SNRPD3: variants seen among roughly 807,000 people sequenced by gnomAD.
SNRPD3 encodes the protein small nuclear ribonucleoprotein Sm D3.
For missense variants in SNRPD3, 73 were observed against 167.5 expected (o/e 0.44, Z 3.11); for synonymous variants, 66 against 58.4 (o/e 1.13, Z -0.59).
intron 2 of SNRPD3, among the ~76,000 whole-genome samples, chr22:24,567,109 A>C (rs1490184849): frequency 6.6e-6 from 1 of 151,906 alleles, no homozygotes; most frequent in Non-Finnish European, 1.5e-5. Context: ...TTGTGGTACC[A>C]CCTCCATTTC....
upstream of SNRPD3, chr22:24,555,938 G>A (rs1201704353): frequency 4.4e-6 from 5 of 1,141,582 alleles, no homozygotes; most frequent in Non-Finnish European, 4.9e-6. Context: ...GGGAAAGGAA[G>A]GAGGCGGGCC....
At chr22:24,570,896 A>G (rs1601572404) in intron 3 of SNRPD3, among the ~76,000 whole-genome samples, 1 of 132,012 alleles carries the variant, frequency 7.6e-6, no homozygotes, top group African/African-American at 2.8e-5. Flanking sequence ...GCTCACTGCC[A>G]CCTCCTCCAA....
rs957957412 is a variant in SNRPD3 at position 24,574,691 on chromosome 22, A to G, written c.*2714A>G. Reference sequence around the variant, plus strand: ...TGAGTAGCTAGAAATACTGGTGCACACCACCATGCCTAGCTAATTTTTGTA... The same window carrying G: ...TGAGTAGCTAGAAATACTGGTGCACGCCACCATGCCTAGCTAATTTTTGTA... On this transcript the variant is annotated 3_prime_UTR_variant, in exon 4 of 4. Transcript: ENST00000215829. Among the ~76,000 whole-genome samples the G allele has an allele frequency of 4.6e-5, 7 of 152,118 alleles. No individual in the cohort carries two copies. The highest frequency in any genetic ancestry group is 1.7e-4 in the African/African-American group (7 of 41,406).
intron 2 of SNRPD3, among the ~76,000 whole-genome samples, chr22:24,558,544 G>A (rs565179646): frequency 1.6e-4 from 25 of 152,294 alleles, no homozygotes; most frequent in South Asian, 8.3e-4. Context: ...TAAAATGGGG[G>A]TGGTATTATG....
At position 24,556,072 on chromosome 22, in the gene SNRPD3, G is replaced by A; in HGVS notation, c.-19+1G>A. 3.3e-6 allele frequency: 2 copies of A among 597,482 alleles called. No homozygotes were observed. The highest frequency in any genetic ancestry group is 2.8e-5 in the East Asian group (1 of 35,740). The allele number at this position is 597,482 out of a possible 1,614,324, so 37.0% of individuals were successfully genotyped here. A position where few individuals can be genotyped will look rare whatever the true frequency, so the allele number is the denominator to read the frequency against. On this transcript the variant is annotated splice_donor_variant, in intron 1 of 3. Coordinates refer to ENST00000215829, the MANE Select transcript of SNRPD3 (RefSeq NM_004175.5). LOFTEE classifies it low-confidence loss of function (5UTR_SPLICE). ...AGAGAAGAAAAGTAGGCCAGAGCCG[G>A]TGAGGCTGGGGACGGGCGAGGGGAG...
In SNRPD3 at chr22:24,574,252, G is replaced by A. The variant is rs184964201; in HGVS notation, c.*2275G>A. On this transcript the variant is annotated 3_prime_UTR_variant, in exon 4 of 4. Transcript: ENST00000215829. The stretch of plus-strand genomic sequence containing the variant: ...AACACCAGCCTTGCAGATTCTCCAC[G>A]CAATGGAAACTGGCTATAACCCTAC... Among the ~76,000 whole-genome samples, 389 of 152,272 alleles carry A rather than the reference G, an allele frequency of 2.6e-3. 1 individual carries two copies. The highest frequency in any genetic ancestry group is 0.01 in the Middle Eastern group (3 of 294).
intron 3 of SNRPD3, among the ~76,000 whole-genome samples, chr22:24,571,557 G>A (rs566364969): frequency 1.3e-5 from 2 of 152,156 alleles, no homozygotes; most frequent in African/African-American, 2.4e-5. Flanking sequence ...TGGCCAACAT[G>A]GTGAAACCCT....
Position 24,557,819 on chromosome 22 carries a change from G to A in SNRPD3, c.126+19G>A, listed in dbSNP as rs1292874831. 2.5e-6 allele frequency: 4 copies of A among 1,598,416 alleles called. No individual in the cohort carries two copies. The African/African-American group carries it at 5.4e-5, about 22-fold the overall frequency. On this transcript the variant is annotated intron_variant, in intron 2 of 3. Coordinates refer to ENST00000215829, the MANE Select transcript of SNRPD3 (RefSeq NM_004175.5). Reference sequence around the variant, plus strand: ...CTGCCAGGTATTCTGCTTTGCATGTGAGGCTGTGTGGGAGGAATGGCCCTG... The same window carrying A: ...CTGCCAGGTATTCTGCTTTGCATGTAAGGCTGTGTGGGAGGAATGGCCCTG...
rs549976679 is a variant in SNRPD3, at chr22:24,572,442, G to T, written c.*465G>T. 4.3e-4 allele frequency: 150 copies of T among 346,696 alleles called. 2 individuals carry two copies. Among genetic ancestry groups the T allele is most frequent in the African/African-American group, 2.9e-3 (135 of 47,074 alleles). The allele number at this position is 346,696 out of a possible 1,614,324, so 21.5% of individuals were successfully genotyped here. A position where few individuals can be genotyped will look rare whatever the true frequency, so the allele number is the denominator to read the frequency against. On this transcript the variant is annotated 3_prime_UTR_variant, in exon 4 of 4. Coordinates refer to ENST00000215829, the MANE Select transcript of SNRPD3 (RefSeq NM_004175.5). ...TCATCAGCTCAGCTTTAACAACACA[G>T]GTGACTCTTTCCCTTGATAAAGTCA...
chr22:24,560,475 C>T (rs1286535223), intron 2 of SNRPD3, among the ~76,000 whole-genome samples: 1 of 85,102 alleles, frequency 1.2e-5, no homozygotes, highest in Non-Finnish European at 2.1e-5. Flanking sequence ...TTGAGAGTCT[C>T]ACTCTGTCGC....
At chr22:24,567,365 A>G (rs1601570021) in intron 2 of SNRPD3, among the ~76,000 whole-genome samples, 1 of 152,218 alleles carries the variant, frequency 6.6e-6, no homozygotes, top group Non-Finnish European at 1.5e-5. Flanking sequence ...AGGGCTCTGA[A>G]GCTAGGCCAG....
rs59348518 is a variant in SNRPD3, at chr22:24,560,715, CTTTTTTTTT to C, written c.126+2937_126+2945del. Among the ~76,000 whole-genome samples, 73 of 98,836 alleles carry C rather than the reference CTTTTTTTTT, an allele frequency of 7.4e-4. 14 individuals carry two copies. Among genetic ancestry groups the C allele is most frequent in the African/African-American group, 2.9e-3 (65 of 22,364 alleles). The allele number at this position is 98,836 out of a possible 152,430, so 64.8% of individuals were successfully genotyped here. On this transcript the variant is annotated intron_variant, in intron 2 of 3. Coordinates refer to ENST00000215829, the MANE Select transcript of SNRPD3 (RefSeq NM_004175.5). ...ACAGGCGTGAGCCACTGCACCTGGC[CTTTTTTTTT>C]TTTTTTTTTTTTTTTTTTTTTGAGA...
At chr22:24,571,206 G>A (rs2045247033) in intron 3 of SNRPD3, among the ~76,000 whole-genome samples, 1 of 152,118 alleles carries the variant, frequency 6.6e-6, no homozygotes, top group Admixed American at 6.5e-5. Context: ...AACTATATTT[G>A]TTTCAGAATT....
intron 2 of SNRPD3, among the ~76,000 whole-genome samples, chr22:24,567,762 GGA>G (rs2045210122): frequency 1.5e-5 from 1 of 65,840 alleles, no homozygotes; most frequent in Non-Finnish European, 5.0e-5. Flanking sequence ...AAAAAGGGGG[GGA>G]GCACTCATAC....
rs1234239814 is a variant in SNRPD3 at position 24,572,095 on chromosome 22, G to T, written c.*118G>T. On this transcript the variant is annotated 3_prime_UTR_variant, in exon 4 of 4. Transcript: ENST00000215829. ...TGCCATCTTTCTCTTTAGATCAGGG[G>T]AAATGTTTAAGCTAAATAAATCTGG... is the stretch of plus-strand genomic sequence containing the variant. 6.5e-7 allele frequency: 1 copy of T among 1,545,516 alleles called. No homozygotes were observed. Among genetic ancestry groups the T allele is most frequent in the East Asian group, 2.4e-5 (1 of 41,070 alleles).
intron 2 of SNRPD3, among the ~76,000 whole-genome samples, chr22:24,559,319 A>G (rs1327305233): frequency 6.6e-6 from 1 of 152,194 alleles, no homozygotes; most frequent in Non-Finnish European, 1.5e-5. Flanking sequence ...CAGTTTATCT[A>G]TTGAGGGTAG....
chr22:24,571,465 G>T (rs1296595390), intron 3 of SNRPD3, among the ~76,000 whole-genome samples: 1 of 152,142 alleles, frequency 6.6e-6, no homozygotes. Flanking sequence ...TCAGCTGGAC[G>T]TGTTGGCTTA....
chr22:24,569,924 T>C (rs747009224), intron 3 of SNRPD3, among the ~76,000 whole-genome samples: 2 of 152,248 alleles, frequency 1.3e-5, no homozygotes, highest in Non-Finnish European at 1.5e-5. Flanking sequence ...GATGAGTTCT[T>C]GTTCACCTTC....
intron 2 of SNRPD3, among the ~76,000 whole-genome samples, chr22:24,565,034 C>A (rs1290828610): frequency 1.3e-5 from 2 of 151,882 alleles, no homozygotes; most frequent in African/African-American, 4.8e-5. Flanking sequence ...CAGGCATGCA[C>A]CACCACACCT....
Sources: allele counts gnomAD v4.1 joint callset (sites outside exome capture counted in the v4.1 genomes callset), GRCh38; gene constraint gnomAD v4.1.1; transcripts MANE v1.5; gene names NCBI Gene and HGNC (gene_info 2026-07-23, HGNC 2026-07-21).